WDR26: variants seen among roughly 807,000 people sequenced by gnomAD.
WDR26 encodes WD repeat domain 26, also known as WD repeat-containing protein 26.
In WDR26, 5 loss-of-function variants were observed where a neutral mutation model predicts 84.1. The observed-to-expected ratio is 0.06, with a 90% CI of 0.03 to 0.13. WDR26 has a LOEUF of 0.13. Ranked by LOEUF, WDR26 falls within the 10% of genes least tolerant of loss-of-function variation. The probability of loss-of-function intolerance (pLI) is 1.00; values close to 1 mark genes in which losing one functional copy is unlikely to be tolerated. For synonymous variants in WDR26, 415 were observed against 389.6 expected, an observed-to-expected ratio of 1.07 and a Z score of -0.77; for missense variants, 642 against 974.9, an observed-to-expected ratio of 0.66 and a Z score of 4.55.
At chr1:224,403,561 A>G (rs960873385) in intron 8 of WDR26, among the ~76,000 whole-genome samples, 1 of 152,240 alleles carries the variant, frequency 6.6e-6, no homozygotes, top group Non-Finnish European at 1.5e-5. Flanking sequence ...GGTTTCTAAA[A>G]CATGAACTGT....
chr1:224,391,413 AATTTT>A (rs895679649), intron 13 of WDR26, among the ~76,000 whole-genome samples: 11 of 151,956 alleles, frequency 7.2e-5, no homozygotes, highest in African/African-American at 2.4e-4. Context: ...CTACTGTTAA[AATTTT>A]ATTTTATTTA....
Position 224,433,881 on chromosome 1 carries a change from A to C in WDR26, c.525T>G (p.Asn175Lys). 1 of 1,536,962 alleles carries C rather than the reference A, an allele frequency of 6.5e-7. No homozygotes were observed. Among genetic ancestry groups the C allele is most frequent in the Non-Finnish European group, 8.7e-7 (1 of 1,146,786 alleles). ...CCCCGCCGGGAACCCCGTTATTGAC[A>C]TTCAGGCTGTTGCTATTGTTGCTGG... The change falls in exon 1 of 14, where the codon AAT becomes AAG. Residue 175 changes from asparagine (N) to lysine (K), a missense_variant. Physicochemically the swap from Asn to Lys is moderately conservative, Grantham distance 94. Transcript: ENST00000414423.
chr1:224,393,578 C>G (rs1416870004), intron 13 of WDR26, among the ~76,000 whole-genome samples: 1 of 152,138 alleles, frequency 6.6e-6, no homozygotes, highest in Non-Finnish European at 1.5e-5. Flanking sequence ...TACTAAATAG[C>G]TAACTGGATG....
chr1:224,392,833 C>T (rs1399163117), intron 13 of WDR26, among the ~76,000 whole-genome samples: 1 of 151,524 alleles, frequency 6.6e-6, no homozygotes, highest in East Asian at 1.9e-4. Context: ...TCAAACCATA[C>T]ATGCTACTCC....
chr1:224,389,902 G>T, intron 13 of WDR26, 42 bp from the exon 14 acceptor site: 2 of 376,256 alleles, frequency 5.3e-6, no homozygotes, highest in Non-Finnish European at 1.0e-5. Context: ...GCGGGCGGGG[G>T]AGGGAAGAGG....
rs915596209 is a variant in WDR26 at position 224,429,697 on chromosome 1, T to G, written c.927+1780A>C. On this transcript the variant is annotated intron_variant, in intron 3 of 13. Transcript: ENST00000414423. The stretch of plus-strand genomic sequence containing the variant: ...GGCTCAGCCAGAGATTTAATCTTCA[T>G]CTTTTATTAGATCCTAGAATGTTCT... 7.9e-5 allele frequency: 12 copies of G among 152,332 alleles called. No individual in the cohort carries two copies. The South Asian group carries it at 1.0e-3, about 13-fold the overall frequency. The allele number at this position is 152,332 out of a possible 1,614,324, so 9.4% of individuals were successfully genotyped here. A position where few individuals can be genotyped will look rare whatever the true frequency, so the allele number is the denominator to read the frequency against.
chr1:224,389,886 T>C (rs766398845), intron 13 of WDR26, 26 bp from the exon 14 acceptor site: 8 of 121,996 alleles, frequency 6.6e-5, no homozygotes, highest in Admixed American at 6.5e-4. Flanking sequence ...ATGAAATGTA[T>C]GGGGGGCGGG....
At chr1:224,422,245 G>A (rs1353589735) in intron 4 of WDR26, among the ~76,000 whole-genome samples, 1 of 152,176 alleles carries the variant, frequency 6.6e-6, no homozygotes, top group Non-Finnish European at 1.5e-5. Context: ...AAGAGCATGA[G>A]TGTCACTAGA....
intron 3 of WDR26, among the ~76,000 whole-genome samples, chr1:224,427,463 G>T (rs1674263122): frequency 6.6e-6 from 1 of 151,926 alleles, no homozygotes; most frequent in South Asian, 2.1e-4. Context: ...TTTTCTATGG[G>T]GCAGAGGTGG....
At chr1:224,398,313 G>A in intron 11 of WDR26, 87 bp from the exon 12 acceptor site, 1 of 1,491,792 alleles carries the variant, frequency 6.7e-7, no homozygotes, top group East Asian at 2.3e-5. Flanking sequence ...TTTGCCTGAT[G>A]AAATATCTTC....
In WDR26 at chr1:224,404,534, C is replaced by G; in HGVS notation, c.1495G>C (p.Gly499Arg). 6.2e-7 allele frequency: 1 copy of G among 1,613,702 alleles called. No individual in the cohort carries two copies. Among genetic ancestry groups the G allele is most frequent in the Non-Finnish European group, 8.5e-7 (1 of 1,179,774 alleles). The stretch of plus-strand genomic sequence containing the variant: ...ATATAAGAAACGCCATAAGCATGTC[C>G]TTCTAATGTTTTAAGCAGTTTTAGC... The change falls in exon 8 of 14, where the codon GGA (glycine) becomes CGA (arginine). Residue 499 changes from glycine (G) to arginine (R), a missense_variant. By Grantham distance (125) the Gly-to-Arg change is moderately radical (BLOSUM62 -2). Coordinates refer to ENST00000414423, the MANE Select transcript of WDR26 (RefSeq NM_001379403.1).
intron 3 of WDR26, among the ~76,000 whole-genome samples, chr1:224,427,884 CAAAATT>C (rs1318632302): frequency 1.3e-5 from 2 of 151,970 alleles, no homozygotes; most frequent in African/African-American, 4.8e-5. Context: ...AAAAATCAGA[CAAAATT>C]AAAGCTTGCT....
intron 8 of WDR26, 125 bp from the exon 9 acceptor site, chr1:224,401,194 T>A: frequency 4.5e-6 from 4 of 879,318 alleles, no homozygotes; most frequent in South Asian, 1.9e-5. Flanking sequence ...AGTAATGAAT[T>A]AAGTGACCCT....
At chr1:224,428,190 A>AT (rs929438774) in intron 3 of WDR26, among the ~76,000 whole-genome samples, 1 of 152,178 alleles carries the variant, frequency 6.6e-6, no homozygotes, top group African/African-American at 2.4e-5. Context: ...AGTCCACCCA[A>AT]TACTGAATTG....
rs1165426622 is a variant in WDR26 at position 224,399,038 on chromosome 1, A to G, written c.1720-4T>C. On this transcript the variant is annotated splice_polypyrimidine_tract_variant and splice_region_variant and intron_variant, in intron 9 of 13. Coordinates refer to ENST00000414423, the MANE Select transcript of WDR26 (RefSeq NM_001379403.1). ...CAAGGAGATTACCATCTAAGTCCTG[A>G]GTAAGAAAAAACTACTATTAACTTC... 3.3e-6 allele frequency: 5 copies of G among 1,525,692 alleles called. No individual in the cohort carries two copies. In the South Asian group the frequency reaches 6.5e-5, roughly 20 times the overall value. 94.5% of individuals were successfully genotyped at this position (1,525,692 alleles called of 1,614,324 possible).
intron 3 of WDR26, among the ~76,000 whole-genome samples, chr1:224,425,258 CAACT>C (rs1243255128): frequency 2.0e-5 from 3 of 152,192 alleles, no homozygotes; most frequent in Non-Finnish European, 2.9e-5. Context: ...GAATTTCCTA[CAACT>C]AACGTGGACA....
intron 3 of WDR26, among the ~76,000 whole-genome samples, chr1:224,426,049 G>T (rs922271086): frequency 6.6e-6 from 1 of 152,048 alleles, no homozygotes; most frequent in Non-Finnish European, 1.5e-5. Flanking sequence ...GTAGAGACAG[G>T]GTTTTGCCAT....
At chr1:224,406,878 T>A (rs1401084277) in intron 7 of WDR26, among the ~76,000 whole-genome samples, 1 of 151,550 alleles carries the variant, frequency 6.6e-6, no homozygotes. Context: ...TCCCAGCACT[T>A]TGGGAGGTTG....
intron 7 of WDR26, among the ~76,000 whole-genome samples, chr1:224,407,151 A>AAAAAAGAATATATATATATATATATAT: frequency 8.4e-5 from 1 of 11,868 alleles, no homozygotes; most frequent in Non-Finnish European, 1.4e-4. Context: ...AAAAAAAAAA[A>AAAAAAGAATATATATATATATATATAT]ATATATATAT....
Sources: gnomAD v4.1 joint callset for allele counts (sites outside exome capture counted in the v4.1 genomes callset) on GRCh38, gnomAD v4.1.1 for gene constraint, MANE v1.5 for transcripts, NCBI Gene and HGNC (gene_info 2026-07-23, HGNC 2026-07-21) for gene names.